Variants in COLGALT2 observed in about 807,000 individuals in gnomAD.
COLGALT2 encodes procollagen galactosyltransferase 2.
A neutral mutation model predicts 73.4 loss-of-function variants in COLGALT2; 49 were observed. The observed-to-expected ratio is 0.67, with a 90% CI of 0.53 to 0.85. COLGALT2 has a LOEUF of 0.85. Ranked by LOEUF, COLGALT2 falls within the 40% of genes least tolerant of loss-of-function variation. The probability of loss-of-function intolerance (pLI) is 0.00; values close to 1 mark genes in which losing one functional copy is unlikely to be tolerated. For synonymous variants in COLGALT2, 295 were observed against 307.6 expected (o/e 0.96, Z 0.43); for missense variants, 722 against 790.2 (o/e 0.91, Z 1.03).
At chr1:183,951,186 G>A in intron 7 of COLGALT2, 73 bp from the exon 8 acceptor site, 1 of 1,106,110 alleles carries the variant, frequency 9.0e-7, no homozygotes, top group African/African-American at 1.5e-5. Context: ...GAAAAGTTTA[G>A]TAAATGTTTT....
At chr1:183,975,618 T>C (rs977295716) in intron 2 of COLGALT2, among the ~76,000 whole-genome samples, 14 of 152,228 alleles carry the variant, frequency 9.2e-5, no homozygotes, top group Non-Finnish European at 7.3e-5. Flanking sequence ...CGACATCGAA[T>C]AGATTTGGAG....
At chr1:184,025,555 T>C (rs1649308130) in intron 1 of COLGALT2, among the ~76,000 whole-genome samples, 1 of 152,174 alleles carries the variant, frequency 6.6e-6, no homozygotes, top group Non-Finnish European at 1.5e-5. Context: ...GAGGCAACCA[T>C]CTGTGTGCCA....
intron 1 of COLGALT2, among the ~76,000 whole-genome samples, chr1:184,034,171 C>T (rs1447836312): frequency 6.6e-6 from 1 of 152,186 alleles, no homozygotes; most frequent in African/African-American, 2.4e-5. Context: ...GTCAGCACTT[C>T]CAAAGAGATT....
At chr1:183,984,131 G>A (rs1030054796) in intron 1 of COLGALT2, among the ~76,000 whole-genome samples, 40 of 152,190 alleles carry the variant, frequency 2.6e-4, no homozygotes, top group African/African-American at 9.2e-4. Context: ...AGGAAAGGCT[G>A]GACACAGTGG....
Position 183,945,414 on chromosome 1 carries a change from G to T in COLGALT2, c.1269+18C>A. The stretch of plus-strand genomic sequence containing the variant: ...TCTCCTCATCATAAAACTGCAATCT[G>T]AATAAAGCATTATTTACCTCTTTCC... On this transcript the variant is annotated intron_variant, in intron 9 of 11. Transcript: ENST00000361927. The T allele has an allele frequency of 6.2e-7, 1 of 1,612,572 alleles. No homozygotes were observed.
At chr1:183,956,751 C>T (rs755456220) in intron 6 of COLGALT2, among the ~76,000 whole-genome samples, 5 of 152,074 alleles carry the variant, frequency 3.3e-5, no homozygotes, top group African/African-American at 1.2e-4. Flanking sequence ...AAAAAAAAAG[C>T]CACAAGTGGT....
intron 1 of COLGALT2, among the ~76,000 whole-genome samples, chr1:183,985,933 C>T (rs920805841): frequency 6.6e-6 from 1 of 152,176 alleles, no homozygotes; most frequent in African/African-American, 2.4e-5. Flanking sequence ...GCAAAGAAGA[C>T]TCACTGGTGT....
chr1:183,945,161 TC>T (rs1377030720), intron 9 of COLGALT2, among the ~76,000 whole-genome samples: 1 of 152,214 alleles, frequency 6.6e-6, no homozygotes, highest in African/African-American at 2.4e-5. Context: ...TAGAAGGCAT[TC>T]CTGCTAATGA....
Position 184,026,744 on chromosome 1 carries a change from C to T in COLGALT2, c.263+10351G>A, listed in dbSNP as rs79210363. ...GGAGGAATTTTTAATGGTATGCCAA[C>T]GGGAAAAATCTAAGAAAATTAAATA... On this transcript the variant is annotated intron_variant, in intron 1 of 11. Coordinates refer to ENST00000361927, the MANE Select transcript of COLGALT2 (RefSeq NM_015101.4). Among the ~76,000 whole-genome samples, 192 of 152,072 alleles carry T rather than the reference C, an allele frequency of 1.3e-3. 2 individuals carry two copies. The highest frequency in any genetic ancestry group is 6.8e-3 in the Middle Eastern group (2 of 294).
At position 183,940,752 on chromosome 1, in the gene COLGALT2, G is replaced by A; in HGVS notation, c.1433C>T (p.Pro478Leu). ...TGCCACATTGGGCACTGCTTTCTCT[G>A]GCTCCTTTACTTGCATCCTCTTCCT... ...IGRKRMQVKE[P>L]EKAVPNVANL... The change falls in exon 11 of 12, where the codon CCA becomes CTA. Residue 478 changes from proline to leucine, a missense_variant. Pro to Leu is a moderately conservative substitution (Grantham distance 98). Transcript: ENST00000361927. 1 of 1,614,204 alleles carries A rather than the reference G, an allele frequency of 6.2e-7. No individual in the cohort carries two copies. The highest frequency in any genetic ancestry group is 8.5e-7 in the Non-Finnish European group (1 of 1,180,030).
At chr1:183,978,612 G>A (rs1671271370) in intron 1 of COLGALT2, 92 bp from the exon 2 acceptor site, 4 of 629,806 alleles carry the variant, frequency 6.4e-6, no homozygotes, top group African/African-American at 4.1e-5. Flanking sequence ...AAAGAAGAAT[G>A]GCTACTCCTG....
chr1:183,964,198 C>T (rs956339072), intron 5 of COLGALT2, 178 bp from the exon 6 acceptor site: 12 of 535,686 alleles, frequency 2.2e-5, no homozygotes, highest in African/African-American at 2.2e-4. Context: ...AAGTAAAACA[C>T]AGCATTGGGG....
rs375153503 is a variant in COLGALT2 at position 183,981,991 on chromosome 1, ATACTTAAATTAAAACTAGCC to A, written c.264-3491_264-3472del. Among the ~76,000 whole-genome samples, 259 of 152,352 alleles carry A rather than the reference ATACTTAAATTAAAACTAGCC, an allele frequency of 1.7e-3. 2 individuals are homozygous for A. Among genetic ancestry groups the A allele is most frequent in the African/African-American group, 5.9e-3 (247 of 41,578 alleles). ...TTGAAAATATTATCTTGTAAAATAGATACTTAAATTAAAACTAGCCTACTTAAAAACATTATCCAATAACT... is the reference window on the plus strand; with the variant it reads ...TTGAAAATATTATCTTGTAAAATAGATACTTAAAAACATTATCCAATAACT... On this transcript the variant is annotated intron_variant, in intron 1 of 11. Coordinates refer to ENST00000361927, the MANE Select transcript of COLGALT2 (RefSeq NM_015101.4).
At chr1:183,988,927 C>T (rs1671559513) in intron 1 of COLGALT2, among the ~76,000 whole-genome samples, 1 of 152,118 alleles carries the variant, frequency 6.6e-6, no homozygotes, top group African/African-American at 2.4e-5. Context: ...GGAGAATCTA[C>T]TATGTTCCAG....
At chr1:183,949,984 C>T (rs1670352688) in intron 8 of COLGALT2, among the ~76,000 whole-genome samples, 2 of 152,118 alleles carry the variant, frequency 1.3e-5, no homozygotes, top group Admixed American at 1.3e-4. Context: ...ATAGGGCTGA[C>T]AGATTTAGGA....
At chr1:183,990,263 C>G (rs1193536502) in intron 1 of COLGALT2, among the ~76,000 whole-genome samples, 1 of 152,188 alleles carries the variant, frequency 6.6e-6, no homozygotes, top group East Asian at 1.9e-4. Context: ...TAGAACAGTG[C>G]CTCACACATA....
intron 6 of COLGALT2, among the ~76,000 whole-genome samples, chr1:183,957,780 T>A (rs1670593448): frequency 7.1e-6 from 1 of 140,950 alleles, no homozygotes; most frequent in Non-Finnish European, 1.5e-5. Flanking sequence ...TTGTGGTGGT[T>A]TTTTTTTTTT....
intron 4 of COLGALT2, among the ~76,000 whole-genome samples, chr1:183,970,556 A>G (rs1251333701): frequency 1.3e-5 from 2 of 152,166 alleles, no homozygotes; most frequent in Admixed American, 1.3e-4. Context: ...AGCTGAGCTA[A>G]CCCTAATGCC....
At chr1:184,031,228 A>T (rs1649500834) in intron 1 of COLGALT2, among the ~76,000 whole-genome samples, 2 of 152,240 alleles carry the variant, frequency 1.3e-5, no homozygotes, top group Non-Finnish European at 2.9e-5. Context: ...CTGAAAATGT[A>T]GCCAATACGT....
Sources: allele counts gnomAD v4.1 joint callset (sites outside exome capture counted in the v4.1 genomes callset), GRCh38; gene constraint gnomAD v4.1.1; transcripts MANE v1.5; gene names NCBI Gene and HGNC (gene_info 2026-07-23, HGNC 2026-07-21).